Variants in KCNG2 observed in about 807,000 individuals in gnomAD.
KCNG2 encodes the protein potassium voltage-gated channel modifier subfamily G member 2.
A neutral mutation model predicts 12.3 loss-of-function variants in KCNG2; 7 were observed. That is an observed-to-expected ratio of 0.57 (90% CI 0.32 to 1.07). The LOEUF (loss-of-function observed/expected upper bound fraction) is 1.07. Ranked by LOEUF, KCNG2 falls within the 50% of genes least tolerant of loss-of-function variation. The probability of loss-of-function intolerance (pLI) is 0.04; values close to 1 mark genes in which losing one functional copy is unlikely to be tolerated. For synonymous variants in KCNG2, 414 were observed against 351.4 expected, an observed-to-expected ratio of 1.18 and a Z score of -1.99; for missense variants, 703 against 726.0, an observed-to-expected ratio of 0.97 and a Z score of 0.36.
At chr18:79,815,134 G>T (rs532728918) in intron 1 of KCNG2, among the ~76,000 whole-genome samples, 1 of 152,074 alleles carries the variant, frequency 6.6e-6, no homozygotes, top group Non-Finnish European at 1.5e-5. Context: ...GAGGTATTAC[G>T]CAGTTTCCAC....
chr18:79,801,074 C>G (rs948306628), intron 1 of KCNG2, among the ~76,000 whole-genome samples: 3 of 152,216 alleles, frequency 2.0e-5, no homozygotes, highest in Non-Finnish European at 4.4e-5. Context: ...CAAGAGATGC[C>G]GGGCAGGGCT....
chr18:79,828,924 ATG>A (rs1455475115), intron 1 of KCNG2, among the ~76,000 whole-genome samples: 4 of 95,422 alleles, frequency 4.2e-5, no homozygotes, highest in Non-Finnish European at 4.2e-5. Flanking sequence ...GTGTGTGTCT[ATG>A]TGTGCGTGTG....
At chr18:79,832,154 A>G (rs1978299618) in intron 1 of KCNG2, among the ~76,000 whole-genome samples, 1 of 151,600 alleles carries the variant, frequency 6.6e-6, no homozygotes, top group Non-Finnish European at 1.5e-5. Context: ...GTCCTCACCC[A>G]TGAGACCTCA....
At chr18:79,831,919 T>C (rs892848170) in intron 1 of KCNG2, among the ~76,000 whole-genome samples, 21 of 152,204 alleles carry the variant, frequency 1.4e-4, no homozygotes, top group Non-Finnish European at 1.5e-5. Flanking sequence ...ACATCCCAGC[T>C]TGGGCTCTTC....
chr18:79,868,311 G>A (rs1488590376), intron 3 of KCNG2, among the ~76,000 whole-genome samples: 1 of 152,032 alleles, frequency 6.6e-6, no homozygotes, highest in East Asian at 1.9e-4. Flanking sequence ...AGAAGCAGTC[G>A]CCCTCCGCGT....
At chr18:79,896,110 C>T (rs1284041511) in intron 3 of KCNG2, among the ~76,000 whole-genome samples, 2 of 152,142 alleles carry the variant, frequency 1.3e-5, no homozygotes, top group Non-Finnish European at 2.9e-5. Flanking sequence ...GGATTATAGG[C>T]GCATGCCACC....
At chr18:79,863,291 C>A (rs1202957155) in intron 2 of KCNG2, among the ~76,000 whole-genome samples, 1 of 152,260 alleles carries the variant, frequency 6.6e-6, no homozygotes, top group East Asian at 1.9e-4. Context: ...TCGGTGGGGT[C>A]CGCCCTGAAA....
chr18:79,885,095 A>C (rs779686728), intron 3 of KCNG2, among the ~76,000 whole-genome samples: 3 of 152,188 alleles, frequency 2.0e-5, no homozygotes, highest in Non-Finnish European at 4.4e-5. Context: ...AGAAGCTGCC[A>C]GGAGAGCCTG....
intron 3 of KCNG2, among the ~76,000 whole-genome samples, chr18:79,882,764 G>A (rs984165090): frequency 5.5e-5 from 8 of 146,530 alleles, no homozygotes; most frequent in Non-Finnish European, 7.8e-5. Context: ...CGTGGAGCGC[G>A]GAGGCCGGGT....
intron 1 of KCNG2, among the ~76,000 whole-genome samples, chr18:79,828,302 T>G (rs1978287691): frequency 6.6e-6 from 1 of 152,226 alleles, no homozygotes; most frequent in Admixed American, 6.5e-5. Flanking sequence ...TGCATGTGCA[T>G]ATGTGTGCAC....
Position 79,825,455 on chromosome 18 carries a change from TAA to T in KCNG2, c.-115+27445_-115+27446del, listed in dbSNP as rs1182027942. Among the ~76,000 whole-genome samples, 3 of 152,214 alleles carry T rather than the reference TAA, an allele frequency of 2.0e-5. No homozygotes were observed. The East Asian group carries it at 5.8e-4, about 29-fold the overall frequency. On this transcript the variant is annotated intron_variant, in intron 1 of 3. Coordinates refer to ENST00000316249, the MANE Select transcript of KCNG2 (RefSeq NM_012283.2). ...AAGAATGCGCTGATGTCTGGGTCCA[TAA>T]AAATATCTTTCCTGTCCTTTTCTGC...
intron 1 of KCNG2, among the ~76,000 whole-genome samples, chr18:79,813,733 T>C (rs528091414): frequency 9.9e-5 from 15 of 152,142 alleles, no homozygotes; most frequent in Non-Finnish European, 2.1e-4. Flanking sequence ...GTATAACCCA[T>C]AAAAAGTAAA....
At chr18:79,836,313 A>G (rs1291666996) in intron 1 of KCNG2, among the ~76,000 whole-genome samples, 1 of 152,252 alleles carries the variant, frequency 6.6e-6, no homozygotes, top group Non-Finnish European at 1.5e-5. Context: ...TGAAGGATCT[A>G]AGAGGACATA....
At chr18:79,875,469 A>G (rs1980031083) in intron 3 of KCNG2, among the ~76,000 whole-genome samples, 1 of 152,190 alleles carries the variant, frequency 6.6e-6, no homozygotes, top group African/African-American at 2.4e-5. Context: ...CAGGGTCTTC[A>G]TGCCGAAGGC....
intron 1 of KCNG2, among the ~76,000 whole-genome samples, chr18:79,851,703 ATG>A (rs1023887957): frequency 1.1e-4 from 14 of 125,636 alleles, no homozygotes; most frequent in South Asian, 2.4e-4. Context: ...GTGTGAATGT[ATG>A]TGTGTGTGAA....
At chr18:79,892,162 A>G (rs1017765376) in intron 3 of KCNG2, among the ~76,000 whole-genome samples, 5 of 150,664 alleles carry the variant, frequency 3.3e-5, no homozygotes, top group African/African-American at 9.7e-5. Flanking sequence ...GTCTCCAACT[A>G]TTATTATGGA....
chr18:79,832,203 C>T (rs2123024922), intron 1 of KCNG2, among the ~76,000 whole-genome samples: 1 of 151,928 alleles, frequency 6.6e-6, no homozygotes, highest in African/African-American at 2.4e-5. Flanking sequence ...CCCCTCCTTC[C>T]TCACCTGCCC....
Position 79,888,033 on chromosome 18 carries a change from A to G in KCNG2, c.625-11007A>G, listed in dbSNP as rs1348957185. Among the ~76,000 whole-genome samples, 2 of 152,198 alleles carry G rather than the reference A, an allele frequency of 1.3e-5. 1 individual carries two copies. The highest frequency in any genetic ancestry group is 1.3e-4 in the Admixed American group (2 of 15,286). On this transcript the variant is annotated intron_variant, in intron 3 of 3. Coordinates refer to ENST00000316249, the MANE Select transcript of KCNG2 (RefSeq NM_012283.2). ...ATTCTGAATGCATTTAACACCCTTT[A>G]AAACGGTTCAGATGGTGTCTTGTTA...
At chr18:79,891,196 T>C (rs1055012752) in intron 3 of KCNG2, among the ~76,000 whole-genome samples, 1 of 152,202 alleles carries the variant, frequency 6.6e-6, no homozygotes, top group Admixed American at 6.5e-5. Context: ...TTGAAAGCTA[T>C]AAATTTCCCT....
Sources: gnomAD v4.1 joint callset for allele counts (sites outside exome capture counted in the v4.1 genomes callset) on GRCh38, gnomAD v4.1.1 for gene constraint, MANE v1.5 for transcripts, NCBI Gene and HGNC (gene_info 2026-07-23, HGNC 2026-07-21) for gene names.